The following SLC25A15 variants were observed in gnomAD, a reference collection of about 807,000 sequenced individuals.
SLC25A15 encodes mitochondrial ornithine transporter 1.
SLC25A15 carries 24 observed loss-of-function variants against 32.3 expected under a neutral mutation model. The observed-to-expected ratio is 0.74, with a 90% CI of 0.54 to 1.04. The LOEUF (loss-of-function observed/expected upper bound fraction) is 1.04. Ranked by LOEUF, SLC25A15 falls within the 50% of genes least tolerant of loss-of-function variation. The pLI, the probability that SLC25A15 is intolerant of heterozygous loss-of-function variation, is 0.00. For synonymous variants in SLC25A15, 132 were observed against 142.1 expected (o/e 0.93, Z 0.51); for missense variants, 317 against 374.5 (o/e 0.85, Z 1.27).
intron 4 of SLC25A15, among the ~76,000 whole-genome samples, chr13:40,806,562 T>C (rs1293505147): frequency 1.3e-5 from 2 of 152,242 alleles, no homozygotes; most frequent in Non-Finnish European, 2.9e-5. Flanking sequence ...TGATGGGGAA[T>C]ACCTGACAGT....
intron 3 of SLC25A15, 124 bp downstream of exon 3, chr13:40,799,439 C>A: frequency 1.6e-6 from 2 of 1,264,464 alleles, no homozygotes; most frequent in Non-Finnish European, 2.3e-6. Context: ...TGGCTTGAGG[C>A]TGAGAGTTCA....
chr13:40,806,601 GTT>G (rs1293839750), intron 4 of SLC25A15, among the ~76,000 whole-genome samples: 6 of 152,226 alleles, frequency 3.9e-5, no homozygotes, highest in African/African-American at 1.2e-4. Context: ...AAGGAAAATA[GTT>G]TTTAAATGTC....
intron 1 of SLC25A15, among the ~76,000 whole-genome samples, 196 bp from the exon 2 acceptor site, chr13:40,792,962 C>T (rs1881562566): frequency 1.3e-5 from 2 of 152,208 alleles, no homozygotes. Flanking sequence ...CATTGATACA[C>T]AGGGGAGGTT....
At chr13:40,800,233 T>A (rs1429321549) in intron 3 of SLC25A15, among the ~76,000 whole-genome samples, 1 of 152,110 alleles carries the variant, frequency 6.6e-6, no homozygotes, top group Non-Finnish European at 1.5e-5. Flanking sequence ...GTGTGCCCTT[T>A]TATAGACAGG....
intron 2 of SLC25A15, among the ~76,000 whole-genome samples, chr13:40,793,484 T>C (rs1414158875): frequency 2.0e-5 from 3 of 152,210 alleles, no homozygotes; most frequent in Admixed American, 6.5e-5. Context: ...CTAGGAGCAA[T>C]AGGCCATACC....
At chr13:40,806,551 C>T (rs1882182255) in intron 4 of SLC25A15, among the ~76,000 whole-genome samples, 1 of 152,182 alleles carries the variant, frequency 6.6e-6, no homozygotes, top group Non-Finnish European at 1.5e-5. Flanking sequence ...GAAGGGCTGG[C>T]TGATGGGGAA....
chr13:40,792,614 C>T (rs1252546051), intron 1 of SLC25A15, among the ~76,000 whole-genome samples: 3 of 152,184 alleles, frequency 2.0e-5, no homozygotes, highest in Non-Finnish European at 4.4e-5. Flanking sequence ...TTATTATTCA[C>T]CTTGTACAGA....
At chr13:40,806,326 G>A (rs1021376557) in intron 4 of SLC25A15, among the ~76,000 whole-genome samples, 3 of 152,144 alleles carry the variant, frequency 2.0e-5, no homozygotes, top group Non-Finnish European at 4.4e-5. Flanking sequence ...CATGTTCCTT[G>A]GAAGTAATTC....
chr13:40,799,580 C>T (rs560032975), intron 3 of SLC25A15, among the ~76,000 whole-genome samples: 1 of 152,316 alleles, frequency 6.6e-6, no homozygotes, highest in African/African-American at 2.4e-5. Context: ...TTAAAAATAA[C>T]TGCTTTCCTT....
rs1881759379 is a variant in SLC25A15 at position 40,798,766 on chromosome 13, G to A, written c.56-291G>A. ...CTCACAGCAAAGCCATAGTCCCTCT[G>A]ACCCTATTGCCCAGGCTCCTACATA... On this transcript the variant is annotated intron_variant, in intron 2 of 6. Transcript: ENST00000338625. 5.1e-6 allele frequency: 5 copies of A among 985,296 alleles called. No homozygotes were observed. In the South Asian group the frequency reaches 2.3e-4, roughly 46 times the overall value. The allele number at this position is 985,296 out of a possible 1,614,324, so 61.0% of individuals were successfully genotyped here. A position where few individuals can be genotyped will look rare whatever the true frequency, so the allele number is the denominator to read the frequency against.
At chr13:40,793,013 A>C (rs552432130) in intron 1 of SLC25A15, 145 bp from the exon 2 acceptor site, 18 of 610,488 alleles carry the variant, frequency 2.9e-5, no homozygotes, top group African/African-American at 2.0e-4. Context: ...GCTAAGCTGC[A>C]CTGATACCTT....
In SLC25A15 at chr13:40,808,447, C is replaced by T. The variant is rs139034961; in HGVS notation, c.632C>T (p.Pro211Leu). 5.5e-4 allele frequency: 895 copies of T among 1,613,168 alleles called. No homozygotes were observed. The highest frequency in any genetic ancestry group is 7.3e-4 in the Non-Finnish European group (861 of 1,179,936). ...GRSKDELGPV[P>L]LMLSGGVGGI... ...TTTTTTTTTTCTCTAGGCCCTGTACCTTTGATGTTAAGTGGTGGAGTTGGT... is the reference window on the plus strand; with the variant it reads ...TTTTTTTTTTCTCTAGGCCCTGTACTTTTGATGTTAAGTGGTGGAGTTGGT... The change falls in exon 6 of 7, where the codon CCT becomes CTT. Residue 211 changes from proline (P) to leucine (L), a missense_variant. Pro to Leu is a moderately conservative substitution (Grantham distance 98, BLOSUM62 -3). Transcript: ENST00000338625.
In SLC25A15 at chr13:40,793,366, T is replaced by G. The variant is rs1593288360; in HGVS notation, c.55+85T>G. 9.6e-6 allele frequency: 11 copies of G among 1,151,228 alleles called. No homozygotes were observed. The East Asian group carries it at 1.7e-4, about 18-fold the overall frequency. The allele number at this position is 1,151,228 out of a possible 1,614,324, so 71.3% of individuals were successfully genotyped here. On this transcript the variant is annotated intron_variant, in intron 2 of 6. Transcript: ENST00000338625. ...GGTCCCATGAGATTATACTACCATA[T>G]TTTTACTGTACCTTTTCTGTGTTTA...
At chr13:40,808,659 C>T (rs1310885387) in intron 6 of SLC25A15, 63 bp downstream of exon 6, 56 of 1,485,786 alleles carry the variant, frequency 3.8e-5, no homozygotes, top group Middle Eastern at 1.9e-4. Context: ...ACGGGCCGGG[C>T]GTGGTGGCTC....
chr13:40,808,936 A>T (rs1882323352), intron 6 of SLC25A15, among the ~76,000 whole-genome samples: 1 of 150,920 alleles, frequency 6.6e-6, no homozygotes, highest in South Asian at 2.1e-4. Flanking sequence ...CTGTCTCAAA[A>T]AAAAAAAAAA....
chr13:40,808,817 C>G (rs1882309509), intron 6 of SLC25A15, among the ~76,000 whole-genome samples: 1 of 151,450 alleles, frequency 6.6e-6, no homozygotes, highest in Non-Finnish European at 1.5e-5. Context: ...CACCTGTAGT[C>G]CCAGCTACTC....
At chr13:40,790,257 T>C (rs1881433128) in intron 1 of SLC25A15, among the ~76,000 whole-genome samples, 1 of 152,188 alleles carries the variant, frequency 6.6e-6, no homozygotes, top group Non-Finnish European at 1.5e-5. Context: ...CCTCATCTAC[T>C]GACTCTCCCT....
At chr13:40,791,921 G>A (rs924490113) in intron 1 of SLC25A15, among the ~76,000 whole-genome samples, 1 of 152,182 alleles carries the variant, frequency 6.6e-6, no homozygotes, top group African/African-American at 2.4e-5. Context: ...TCCTGTTGAC[G>A]TTCAGGGTGA....
chr13:40,802,641 T>C (rs1231039381), intron 3 of SLC25A15, among the ~76,000 whole-genome samples: 1 of 150,874 alleles, frequency 6.6e-6, no homozygotes, highest in Non-Finnish European at 1.5e-5. Context: ...AGTGGCGCAA[T>C]CTTAACTCAT....
Sources: allele counts gnomAD v4.1 joint callset (sites outside exome capture counted in the v4.1 genomes callset), GRCh38; gene constraint gnomAD v4.1.1; transcripts MANE v1.5; gene names NCBI Gene and HGNC (gene_info 2026-07-23, HGNC 2026-07-21).